DYNC1I1: variants seen among roughly 807,000 people sequenced by gnomAD.
DYNC1I1 encodes dynein cytoplasmic 1 intermediate chain 1.
DYNC1I1 carries 43 observed loss-of-function variants against 86.6 expected under a neutral mutation model. That is an observed-to-expected ratio of 0.50 (90% CI 0.39 to 0.64). The LOEUF (loss-of-function observed/expected upper bound fraction) is 0.64. Among genes scored for constraint, DYNC1I1 ranks in the 30% least tolerant of loss-of-function variants. The pLI, the probability that DYNC1I1 is intolerant of heterozygous loss-of-function variation, is 0.00. For missense variants in DYNC1I1, 604 were observed against 788.8 expected, an observed-to-expected ratio of 0.77 and a Z score of 2.81; for synonymous variants, 262 against 283.7, an observed-to-expected ratio of 0.92 and a Z score of 0.77.
At chr7:95,955,212 C>T (rs1455158941) in intron 6 of DYNC1I1, among the ~76,000 whole-genome samples, 1 of 152,092 alleles carries the variant, frequency 6.6e-6, no homozygotes, top group Non-Finnish European at 1.5e-5. Context: ...ACAATATGTA[C>T]TTGTATGAAA....
rs564717927 is a variant in DYNC1I1, at chr7:95,790,675, A to T, written c.-9-14046A>T. ...AAGTGGGTGACTATGGCGAAGAAAG[A>T]ATACAAGATAAGTAGAATAAATCAA... is the stretch of plus-strand genomic sequence containing the variant. On this transcript the variant is annotated intron_variant, in intron 1 of 16. Coordinates refer to ENST00000447467, the MANE Select transcript of DYNC1I1 (RefSeq NM_001135556.2). Among the ~76,000 whole-genome samples the T allele has an allele frequency of 2.6e-5, 4 of 152,350 alleles. No homozygotes were observed. In the South Asian group the frequency reaches 8.3e-4, roughly 32 times the overall value.
At chr7:95,842,042 G>T (rs546761245) in intron 5 of DYNC1I1, among the ~76,000 whole-genome samples, 6 of 152,320 alleles carry the variant, frequency 3.9e-5, no homozygotes, top group African/African-American at 7.2e-5. Flanking sequence ...TTGGGGTATT[G>T]TGTGTACGGT....
At chr7:95,936,465 G>A (rs976347504) in intron 6 of DYNC1I1, among the ~76,000 whole-genome samples, 10 of 151,898 alleles carry the variant, frequency 6.6e-5, no homozygotes, top group African/African-American at 2.2e-4. Context: ...AACCACCACA[G>A]AATGGCTTTT....
At chr7:96,091,090 A>C (rs998071519) in intron 16 of DYNC1I1, among the ~76,000 whole-genome samples, 2 of 152,214 alleles carry the variant, frequency 1.3e-5, no homozygotes, top group Admixed American at 6.5e-5. Context: ...TCCTCTGAAC[A>C]CAGACATGTA....
chr7:95,962,914 A>G (rs1179569345), intron 6 of DYNC1I1, among the ~76,000 whole-genome samples: 2 of 152,166 alleles, frequency 1.3e-5, no homozygotes, highest in East Asian at 3.8e-4. Context: ...TTGAAACACT[A>G]TTGACTTATA....
At chr7:95,947,108 T>A (rs1229958026) in intron 6 of DYNC1I1, among the ~76,000 whole-genome samples, 1 of 152,160 alleles carries the variant, frequency 6.6e-6, no homozygotes, top group African/African-American at 2.4e-5. Context: ...CTTCTCTGAG[T>A]TGCAATTTCC....
chr7:95,938,676 G>A (rs319295), intron 6 of DYNC1I1, among the ~76,000 whole-genome samples: 119,893 of 152,026 alleles, frequency 0.79, 47,481 homozygotes, highest in East Asian at 0.93. Context: ...TAGGTCTGTT[G>A]TAAAGATGTA....
intron 6 of DYNC1I1, among the ~76,000 whole-genome samples, chr7:95,892,457 C>T (rs1337968214): frequency 6.6e-6 from 1 of 151,842 alleles, no homozygotes; most frequent in African/African-American, 2.4e-5. Context: ...ACTACAGATG[C>T]CTGCCACCAC....
At chr7:96,047,350 A>T (rs1789249281) in intron 14 of DYNC1I1, among the ~76,000 whole-genome samples, 1 of 152,210 alleles carries the variant, frequency 6.6e-6, no homozygotes, top group African/African-American at 2.4e-5. Context: ...TAGATATGAC[A>T]GTGATCCATC....
intron 7 of DYNC1I1, among the ~76,000 whole-genome samples, chr7:95,981,991 A>C (rs1793470699): frequency 6.6e-6 from 1 of 152,162 alleles, no homozygotes; most frequent in African/African-American, 2.4e-5. Context: ...GGAATCCATT[A>C]ATCAACCAAT....
At chr7:95,910,077 C>A (rs570137852) in intron 6 of DYNC1I1, among the ~76,000 whole-genome samples, 1 of 152,166 alleles carries the variant, frequency 6.6e-6, no homozygotes, top group Non-Finnish European at 1.5e-5. Context: ...CACCTTGTCA[C>A]CCCTATAGGG....
At chr7:96,037,013 A>G (rs149511370) in intron 13 of DYNC1I1, among the ~76,000 whole-genome samples, 1,646 of 152,286 alleles carry the variant, frequency 0.011, 33 homozygotes, top group African/African-American at 0.037. Flanking sequence ...ATTAAGATTT[A>G]ATGAAGAACC....
chr7:95,777,063 G>A (rs1793861079), intron 1 of DYNC1I1, among the ~76,000 whole-genome samples: 1 of 152,170 alleles, frequency 6.6e-6, no homozygotes, highest in Admixed American at 6.5e-5. Flanking sequence ...TTCTCTGCCT[G>A]TGTGGGACAC....
intron 4 of DYNC1I1, among the ~76,000 whole-genome samples, chr7:95,820,722 C>T (rs971253370): frequency 6.6e-6 from 1 of 152,220 alleles, no homozygotes; most frequent in Non-Finnish European, 1.5e-5. Context: ...CACCACAAAT[C>T]AGCAATATGT....
At chr7:96,015,531 G>A (rs1391147988) in intron 10 of DYNC1I1, among the ~76,000 whole-genome samples, 2 of 151,966 alleles carry the variant, frequency 1.3e-5, no homozygotes, top group Non-Finnish European at 2.9e-5. Flanking sequence ...TCCCCCCCCA[G>A]AATTTTTATT....
At chr7:95,817,212 A>G (rs1794965759) in intron 4 of DYNC1I1, among the ~76,000 whole-genome samples, 1 of 148,024 alleles carries the variant, frequency 6.8e-6, no homozygotes, top group Non-Finnish European at 1.5e-5. Context: ...AACATCCAAG[A>G]TTAAAAAAAA....
intron 14 of DYNC1I1, among the ~76,000 whole-genome samples, chr7:96,061,852 G>T (rs1202515602): frequency 5.9e-5 from 9 of 151,984 alleles, no homozygotes; most frequent in Admixed American, 2.0e-4. Flanking sequence ...AAGTTCTATG[G>T]GTTCCCTATT....
At chr7:95,800,335 G>A (rs1794547421) in intron 1 of DYNC1I1, among the ~76,000 whole-genome samples, 1 of 152,014 alleles carries the variant, frequency 6.6e-6, no homozygotes, top group Non-Finnish European at 1.5e-5. Flanking sequence ...GACAAAGAAA[G>A]ACAAGGGGTG....
At chr7:95,989,224 G>A (rs749265460) in intron 9 of DYNC1I1, among the ~76,000 whole-genome samples, 7 of 152,196 alleles carry the variant, frequency 4.6e-5, no homozygotes, top group Non-Finnish European at 8.8e-5. Context: ...TCCTATTGGA[G>A]AACAGGGGAA....
Sources: gnomAD v4.1 joint callset for allele counts (sites outside exome capture counted in the v4.1 genomes callset) on GRCh38, gnomAD v4.1.1 for gene constraint, MANE v1.5 for transcripts, NCBI Gene and HGNC (gene_info 2026-07-23, HGNC 2026-07-21) for gene names.